Variants in TRMT2B observed in about 807,000 individuals in gnomAD.
TRMT2B encodes tRNA methyltransferase 2B.
TRMT2B carries 34 observed loss-of-function variants against 39.7 expected under a neutral mutation model. The observed-to-expected ratio is 0.86, with a 90% CI of 0.65 to 1.14. The LOEUF is 1.14. TRMT2B is among the 50% of genes most tolerant of loss of function. The pLI, the probability that TRMT2B is intolerant of heterozygous loss-of-function variation, is 0.00. For synonymous variants in TRMT2B, 132 were observed against 137.3 expected (o/e 0.96, Z 0.27); for missense variants, 318 against 377.2 (o/e 0.84, Z 1.30).
chrX:101,044,156 C>T (rs1042737347), intron 2 of TRMT2B, among the ~76,000 whole-genome samples: 5 of 106,873 alleles, frequency 4.7e-5, no homozygotes, highest in Admixed American at 3.1e-4. Context: ...GCAGGAGAGT[C>T]GCTTGAACCC....
chrX:101,026,521 T>C (rs1279436514), intron 7 of TRMT2B, among the ~76,000 whole-genome samples: 1 of 107,349 alleles, frequency 9.3e-6, no homozygotes, highest in Non-Finnish European at 1.9e-5. Context: ...AGGATGGTAA[T>C]TGAAAAACTG....
chrX:101,022,651 G>C (rs56170695), intron 8 of TRMT2B, among the ~76,000 whole-genome samples: 20,583 of 107,495 alleles, frequency 0.19, 1,587 homozygotes, highest in African/African-American at 0.22. Context: ...AAAAAAATTA[G>C]CCAGGTGTGG....
rs769263897 is a variant in TRMT2B, at chrX:101,021,329, AAAG to A, written c.852-17_852-15del. On this transcript the variant is annotated splice_polypyrimidine_tract_variant and intron_variant, in intron 9 of 13. Coordinates refer to ENST00000372936, the MANE Select transcript of TRMT2B (RefSeq NM_024917.6). The stretch of plus-strand genomic sequence containing the variant: ...CGGGTCATGGTACTGGAAAGGAATA[AAAG>A]AAGAAAGCATCTTGAGCTGTGAGCG... The A allele has an allele frequency of 5.1e-6, 6 of 1,185,832 alleles. No individual in the cohort carries two copies. In the Admixed American group the frequency reaches 1.4e-4, roughly 27 times the overall value.
intron 2 of TRMT2B, among the ~76,000 whole-genome samples, chrX:101,044,862 C>A (rs1168028508): frequency 2.4e-5 from 2 of 82,103 alleles, no homozygotes; most frequent in Non-Finnish European, 4.9e-5. Flanking sequence ...AAAAAAAAAA[C>A]CCTACAAAAA....
intron 13 of TRMT2B, among the ~76,000 whole-genome samples, chrX:101,013,178 ATGT>A (rs1287668387): frequency 1.0e-5 from 1 of 99,352 alleles, no homozygotes; most frequent in Non-Finnish European, 2.1e-5. Flanking sequence ...GTTGACTGAA[ATGT>A]TATTATGCGA....
chrX:100,978,331 G>T, the TRMT2B span, among the ~76,000 whole-genome samples: 1 of 111,466 alleles, frequency 9.0e-6, no homozygotes, highest in African/African-American at 3.3e-5. Context: ...TGCTGTATTG[G>T]GGTCTATCTC....
At position 101,022,413 on chromosome X, in the gene TRMT2B, G is replaced by T. The variant is rs59299994; in HGVS notation, c.757-351C>A. On this transcript the variant is annotated intron_variant, in intron 8 of 13. Transcript: ENST00000372936. ...AGACAGGCAGATCAGTTGAGGTCAG[G>T]AGTTCCAGACCAGCCTGGCCAACAT... Among the ~76,000 whole-genome samples, 616 of 110,899 alleles carry T rather than the reference G, an allele frequency of 5.6e-3. 6 individuals carry two copies. The highest frequency in any genetic ancestry group is 0.019 in the African/African-American group (575 of 30,544).
At chrX:101,002,566 G>A in the TRMT2B span, among the ~76,000 whole-genome samples, 587 of 110,846 alleles carry the variant, frequency 5.3e-3, 6 homozygotes, top group African/African-American at 0.018. Flanking sequence ...GATAACCTAT[G>A]GTCAGGAGTT....
At chrX:100,985,941 T>C in the TRMT2B span, 1 of 1,189,603 alleles carries the variant, frequency 8.4e-7, no homozygotes, top group Non-Finnish European at 1.1e-6. Flanking sequence ...TTCTGTCCTA[T>C]TTCTGCTTCC....
rs1193570477 is a variant in TRMT2B, at chrX:101,042,026, TCAGCCTGGCCTTTAC to T, written c.248+1_248+15del. The T allele has an allele frequency of 3.3e-6, 4 of 1,208,603 alleles. No homozygotes were observed. The highest frequency in any genetic ancestry group is 4.5e-6 in the Non-Finnish European group (4 of 894,378). On this transcript the variant is annotated splice_donor_variant and splice_donor_5th_base_variant and intron_variant, in intron 3 of 13. Transcript: ENST00000372936. LOFTEE classifies it high-confidence loss of function. ...TGAGACCTGCTAAGGAGAGAGGACATCAGCCTGGCCTTTACCTTTCCTGCCAGGAACCATCTAGTG... is the reference window on the plus strand; with the variant it reads ...TGAGACCTGCTAAGGAGAGAGGACATCTTTCCTGCCAGGAACCATCTAGTG...
At chrX:100,981,489 G>A in the TRMT2B span, among the ~76,000 whole-genome samples, 1 of 110,082 alleles carries the variant, frequency 9.1e-6, no homozygotes, top group Non-Finnish European at 1.9e-5. Flanking sequence ...ACCCTCTTCA[G>A]TGCCTCTTTC....
chrX:100,987,448 G>A, the TRMT2B span: 5 of 1,210,989 alleles, frequency 4.1e-6, no homozygotes, highest in Non-Finnish European at 5.6e-6. Flanking sequence ...ATAGTTGAAG[G>A]ACTGCGCTGG....
the TRMT2B span, chrX:100,985,848 G>T: frequency 1.7e-6 from 2 of 1,209,662 alleles, no homozygotes; most frequent in Non-Finnish European, 2.2e-6. Context: ...TAAGACGCAT[G>T]CAGGAAGTGA....
At chrX:101,035,767 T>C in intron 6 of TRMT2B, 84 bp from the exon 7 acceptor site, 1 of 822,853 alleles carries the variant, frequency 1.2e-6, no homozygotes, top group Non-Finnish European at 1.8e-6. Context: ...ATTTCTATCG[T>C]CAAAGTGGCA....
At chrX:101,011,916 C>T (rs181814801) in intron 13 of TRMT2B, among the ~76,000 whole-genome samples, 17 of 111,365 alleles carry the variant, frequency 1.5e-4, no homozygotes, top group African/African-American at 5.5e-4. Flanking sequence ...AATCTTGTCC[C>T]ACTAGAAGGT....
the TRMT2B span, among the ~76,000 whole-genome samples, chrX:100,982,506 T>A: frequency 2.3e-5 from 2 of 85,881 alleles, no homozygotes; most frequent in African/African-American, 8.2e-5. Flanking sequence ...AATAAATAAA[T>A]AAAATGCTCT....
chrX:101,003,984 C>T, the TRMT2B span, among the ~76,000 whole-genome samples: 1 of 109,600 alleles, frequency 9.1e-6, no homozygotes, highest in African/African-American at 3.3e-5. Flanking sequence ...ACATGCACCA[C>T]CACGTCCAGC....
chrX:101,003,061 C>T, the TRMT2B span, among the ~76,000 whole-genome samples: 6 of 98,092 alleles, frequency 6.1e-5, no homozygotes, highest in African/African-American at 2.3e-4. Context: ...AATAGAAGTG[C>T]GTGCCACCAT....
chrX:101,045,183 A>C (rs1423968234), intron 2 of TRMT2B, among the ~76,000 whole-genome samples: 1 of 110,310 alleles, frequency 9.1e-6, no homozygotes, highest in Non-Finnish European at 1.9e-5. Context: ...GGCTGGGCGC[A>C]GTGGCTCACA....
Sources: gnomAD v4.1 joint callset for allele counts (sites outside exome capture counted in the v4.1 genomes callset) on GRCh38, gnomAD v4.1.1 for gene constraint, MANE v1.5 for transcripts, NCBI Gene and HGNC (gene_info 2026-07-23, HGNC 2026-07-21) for gene names.